Variants in RBM6 observed in about 807,000 individuals in gnomAD.
The protein encoded by RBM6 is RNA-binding protein 6.
RBM6 carries 23 observed loss-of-function variants against 140.4 expected under a neutral mutation model. That is an observed-to-expected ratio of 0.16 (90% CI 0.12 to 0.23). RBM6 has a LOEUF of 0.23. Among genes scored for constraint, RBM6 ranks in the 10% least tolerant of loss-of-function variants. The pLI is 1.00. For synonymous variants in RBM6, 439 were observed against 475.6 expected, an observed-to-expected ratio of 0.92 and a Z score of 1.00; for missense variants, 1,139 against 1,386.7, an observed-to-expected ratio of 0.82 and a Z score of 2.84.
chr3:50,036,630 C>T (rs1015033073), intron 6 of RBM6, among the ~76,000 whole-genome samples: 1 of 152,098 alleles, frequency 6.6e-6, no homozygotes, highest in African/African-American at 2.4e-5. Flanking sequence ...CATAGCATGT[C>T]TTCAATGTTA....
At chr3:50,038,124 A>G (rs2108845913) in intron 6 of RBM6, among the ~76,000 whole-genome samples, 1 of 152,104 alleles carries the variant, frequency 6.6e-6, no homozygotes. Flanking sequence ...TGCCGGTTCC[A>G]ATGTCTCTTT....
intron 4 of RBM6, among the ~76,000 whole-genome samples, chr3:49,972,359 T>C (rs2084837253): frequency 6.6e-6 from 1 of 152,152 alleles, no homozygotes; most frequent in Admixed American, 6.5e-5. Context: ...ATACATAAAG[T>C]TTATTCAGAT....
intron 6 of RBM6, among the ~76,000 whole-genome samples, chr3:50,018,911 A>G (rs2087332369): frequency 6.6e-6 from 1 of 152,110 alleles, no homozygotes; most frequent in Admixed American, 6.6e-5. Context: ...TTAATTTTGT[A>G]AGAAACTGTC....
intron 8 of RBM6, among the ~76,000 whole-genome samples, chr3:50,055,411 C>A (rs1033601752): frequency 1.5e-4 from 23 of 151,980 alleles, no homozygotes; most frequent in Non-Finnish European, 2.9e-5. Flanking sequence ...GCCTAGGCAA[C>A]AGAGTGAGAA....
intron 5 of RBM6, among the ~76,000 whole-genome samples, chr3:49,984,645 C>CGCATCGCATCGCATT (rs2085477641): frequency 1.0e-5 from 1 of 97,240 alleles, no homozygotes; most frequent in Non-Finnish European, 2.8e-5. Context: ...CGCATCGCAT[C>CGCATCGCATCGCATT]GCATCGCATC....
Position 50,066,336 on chromosome 3 carries a change from C to T in RBM6, c.2777C>T (p.Pro926Leu). The T allele has an allele frequency of 6.2e-7, 1 of 1,614,054 alleles. No individual in the cohort carries two copies. Among genetic ancestry groups the T allele is most frequent in the Non-Finnish European group, 8.5e-7 (1 of 1,180,038 alleles). Residue 926 changes from proline to leucine, a missense_variant, in exon 17 of 21, where the codon CCA (proline) becomes CTA (leucine). Physicochemically the swap from Pro to Leu is moderately conservative, Grantham distance 98. Transcript: ENST00000266022. ...EEEEEEQTPP[P>L]QPRTAQPQKR... is the part of the protein sequence containing the mutation. Reference sequence around the variant, plus strand: ...GAAGAGGAGGAACAGACCCCTCCCCCACAGCCCCGCACAGCACAGCCCCAG... The same window carrying T: ...GAAGAGGAGGAACAGACCCCTCCCCTACAGCCCCGCACAGCACAGCCCCAG...
chr3:50,010,900 CAAAAAAA>C (rs776065398), intron 6 of RBM6, among the ~76,000 whole-genome samples: 4 of 52,236 alleles, frequency 7.7e-5, no homozygotes, highest in African/African-American at 1.7e-4. Flanking sequence ...AAGACTGTCT[CAAAAAAA>C]AAAAAAAAAA....
chr3:50,018,602 T>G (rs993920816), intron 6 of RBM6, among the ~76,000 whole-genome samples: 2 of 139,690 alleles, frequency 1.4e-5, no homozygotes, highest in Admixed American at 1.4e-4. Context: ...TTTTTTTTTT[T>G]TTTTTTTTTG....
chr3:49,975,170 A>G (rs1300626374), intron 4 of RBM6, among the ~76,000 whole-genome samples, 153 bp from the exon 5 acceptor site: 2 of 152,214 alleles, frequency 1.3e-5, no homozygotes, highest in Admixed American at 6.5e-5. Context: ...TACTCATTCA[A>G]TATGTGAATG....
chr3:49,953,270 A>T (rs1461359874), intron 1 of RBM6, among the ~76,000 whole-genome samples: 1 of 148,140 alleles, frequency 6.8e-6, no homozygotes, highest in Non-Finnish European at 1.5e-5. Flanking sequence ...CCCAGGTTGG[A>T]GTGCAGTGGA....
At chr3:49,982,178 A>G (rs1292957675) in intron 5 of RBM6, among the ~76,000 whole-genome samples, 1 of 151,038 alleles carries the variant, frequency 6.6e-6, no homozygotes, top group Non-Finnish European at 1.5e-5. Context: ...TAGGTCAGTC[A>G]CTTGGTCTGT....
At position 49,967,258 on chromosome 3, in the gene RBM6, T is replaced by C; in HGVS notation, c.45-212T>C. 1 of 1,335,146 alleles carries C rather than the reference T, an allele frequency of 7.5e-7. No individual in the cohort carries two copies. The highest frequency in any genetic ancestry group is 1.5e-5 in the African/African-American group (1 of 68,630). 82.7% of individuals were successfully genotyped at this position (1,335,146 alleles called of 1,614,324 possible). A position where few individuals can be genotyped will look rare whatever the true frequency, so the allele number is the denominator to read the frequency against. On this transcript the variant is annotated intron_variant, in intron 2 of 20. Transcript: ENST00000266022. The surrounding 1 kb of genome is among the most constrained non-coding windows in gnomAD (Gnocchi z 4.0). ...GAAAACCTTGTGTTGACTTTCCTCG[T>C]GTTCTGAAATGGGAGCATAAAAGTT... is the stretch of plus-strand genomic sequence containing the variant.
In RBM6 at chr3:50,058,570, TCCTCCA is replaced by T. The variant is rs1304169443; in HGVS notation, c.2130+12_2130+17del. On this transcript the variant is annotated intron_variant, in intron 10 of 20. Coordinates refer to ENST00000266022, the MANE Select transcript of RBM6 (RefSeq NM_005777.3). ...GACCTCGACTCCCATGCGGTGAGTT[TCCTCCA>T]CCTTGGATTGGCCTAGAGACAGATG... 2 of 1,595,854 alleles carry T rather than the reference TCCTCCA, an allele frequency of 1.3e-6. No individual in the cohort carries two copies. The highest frequency in any genetic ancestry group is 2.7e-5 in the African/African-American group (2 of 74,496).
chr3:50,062,051 C>G lies in RBM6; in HGVS notation c.2529C>G (p.Ser843Arg). 2 of 1,613,630 alleles carry G rather than the reference C, an allele frequency of 1.2e-6. No homozygotes were observed. The highest frequency in any genetic ancestry group is 1.7e-6 in the Non-Finnish European group (2 of 1,179,832). Residue 843 changes from serine to arginine, a missense_variant, in exon 15 of 21, where the codon AGC (serine) becomes AGG (arginine). Ser to Arg is a moderately radical substitution (Grantham distance 110, BLOSUM62 -1). Coordinates refer to ENST00000266022, the MANE Select transcript of RBM6 (RefSeq NM_005777.3). Reference protein sequence around the residue: ...KKPTSQGKSSSKKEMSKRDGK... With the variant: ...KKPTSQGKSSRKKEMSKRDGK... The stretch of plus-strand genomic sequence containing the variant: ...CCACCAGTCAAGGAAAGTCAAGTAG[C>G]AAGAAGGAAATGTCTAAAAGAGATG...
chr3:49,959,808 G>A (rs984054636), intron 1 of RBM6, among the ~76,000 whole-genome samples: 3 of 151,954 alleles, frequency 2.0e-5, no homozygotes, highest in Admixed American at 2.0e-4. Flanking sequence ...CTGACCTCAA[G>A]TGATCCACAC....
At chr3:49,955,781 TG>T (rs1176265855) in intron 1 of RBM6, among the ~76,000 whole-genome samples, 2 of 151,536 alleles carry the variant, frequency 1.3e-5, no homozygotes, top group African/African-American at 4.9e-5. Context: ...AGGCGGTGGT[TG>T]CAGTGAGCCA....
intron 7 of RBM6, 29 bp from the exon 8 acceptor site, chr3:50,054,306 A>T: frequency 6.4e-7 from 1 of 1,567,410 alleles, no homozygotes; most frequent in Non-Finnish European, 8.8e-7. Flanking sequence ...AAATGTTTTC[A>T]GTCAAATTGA....
rs1355223502 is a variant in RBM6, at chr3:50,007,030, A to ACAG, written c.1557+7522_1557+7524dup. On this transcript the variant is annotated intron_variant, in intron 6 of 20. Coordinates refer to ENST00000266022, the MANE Select transcript of RBM6 (RefSeq NM_005777.3). ...CTCATCTGAAACAAAGTCTTAAGTTACAGCAGCTCTGGTCTTGGCTTAATG... is the reference window on the plus strand; with the variant it reads ...CTCATCTGAAACAAAGTCTTAAGTTACAGCAGCAGCTCTGGTCTTGGCTTAATG... 3.9e-5 allele frequency among the ~76,000 whole-genome samples: 6 copies of ACAG among 152,026 alleles called. No homozygotes were observed. The East Asian group carries it at 1.2e-3, about 29-fold the overall frequency.
chr3:49,991,918 C>CTTTATTTTAT (rs138310398), intron 5 of RBM6, among the ~76,000 whole-genome samples: 1,612 of 132,958 alleles, frequency 0.012, 42 homozygotes, highest in African/African-American at 0.041. Flanking sequence ...ATCCCAGAGC[C>CTTTATTTTAT]TTTATTTTAT....
Sources: allele counts gnomAD v4.1 joint callset (sites outside exome capture counted in the v4.1 genomes callset), GRCh38; gene constraint gnomAD v4.1.1; non-coding constraint Gnocchi (gnomAD v3.1); transcripts MANE v1.5; gene names NCBI Gene and HGNC (gene_info 2026-07-23, HGNC 2026-07-21).